Variants in NYAP2 observed in about 807,000 individuals in gnomAD.
The protein encoded by NYAP2 is neuronal tyrosine-phosphorylated phosphoinositide-3-kinase adapter 2.
Under a neutral mutation model 50.4 loss-of-function variants are expected in NYAP2, and 23 were observed. The ratio of observed to expected loss-of-function variants is 0.46; its 90% CI spans 0.33 to 0.65. NYAP2 has a LOEUF of 0.65. Among genes scored for constraint, NYAP2 ranks in the 30% least tolerant of loss-of-function variants. The probability of loss-of-function intolerance (pLI) is 0.02; values close to 1 mark genes in which losing one functional copy is unlikely to be tolerated. For synonymous variants in NYAP2, 394 were observed against 365.2 expected, an observed-to-expected ratio of 1.08 and a Z score of -0.90; for missense variants, 885 against 861.0, an observed-to-expected ratio of 1.03 and a Z score of -0.35.
At chr2:225,413,281 A>G (rs1695076255) in intron 3 of NYAP2, among the ~76,000 whole-genome samples, 1 of 152,148 alleles carries the variant, frequency 6.6e-6, no homozygotes, top group Non-Finnish European at 1.5e-5. Context: ...GAAGCTGGAG[A>G]GAGAAAAGTG....
At chr2:225,538,312 C>A (rs1405413786) in intron 4 of NYAP2, among the ~76,000 whole-genome samples, 1 of 152,192 alleles carries the variant, frequency 6.6e-6, no homozygotes, top group African/African-American at 2.4e-5. Flanking sequence ...TCCATGAGGG[C>A]CCCACCCTGC....
intron 3 of NYAP2, among the ~76,000 whole-genome samples, chr2:225,450,639 T>A (rs1208010108): frequency 6.6e-6 from 1 of 152,224 alleles, no homozygotes; most frequent in African/African-American, 2.4e-5. Context: ...GGAATCTGAT[T>A]TTTATGACCA....
At chr2:225,664,138 TA>T in the NYAP2 span, among the ~76,000 whole-genome samples, 1 of 152,144 alleles carries the variant, frequency 6.6e-6, no homozygotes, top group Admixed American at 6.5e-5. Flanking sequence ...AAAGTCAAGT[TA>T]AGTAAATTTT....
chr2:225,547,109 C>T (rs558150741), intron 4 of NYAP2, among the ~76,000 whole-genome samples: 1 of 152,160 alleles, frequency 6.6e-6, no homozygotes, highest in Non-Finnish European at 1.5e-5. Flanking sequence ...CCCTCCCACA[C>T]AAGGAAGGAA....
At chr2:225,551,076 G>A (rs957998564) in intron 4 of NYAP2, among the ~76,000 whole-genome samples, 1 of 152,114 alleles carries the variant, frequency 6.6e-6, no homozygotes, top group Non-Finnish European at 1.5e-5. Flanking sequence ...CCCATAACGG[G>A]TCTTACTTTT....
chr2:225,412,015 T>C (rs4234056), intron 3 of NYAP2, among the ~76,000 whole-genome samples: 117,797 of 148,742 alleles, frequency 0.79, 46,844 homozygotes, highest in Non-Finnish European at 0.82. Context: ...AATATTATAT[T>C]ATCATTTATA....
At chr2:225,411,416 G>C (rs146161605) in intron 3 of NYAP2, among the ~76,000 whole-genome samples, 50 of 152,164 alleles carry the variant, frequency 3.3e-4, no homozygotes, top group African/African-American at 1.2e-3. Flanking sequence ...GTAACTGATG[G>C]GGGGGCAGGA....
At chr2:225,412,255 C>CTTTTTTTTTTT (rs560637948) in intron 3 of NYAP2, among the ~76,000 whole-genome samples, 4,869 of 58,784 alleles carry the variant, frequency 0.083, 1,105 homozygotes, top group Non-Finnish European at 0.13. Flanking sequence ...CTGCGCCCGG[C>CTTTTTTTTTTT]TTTTTTTTTT....
In NYAP2 at chr2:225,520,099, G is replaced by A. The variant is rs529146422; in HGVS notation, c.523+6427G>A. On this transcript the variant is annotated intron_variant, in intron 4 of 6. Transcript: ENST00000636099. ...TGAGAAGTGTCTGTTCATGTCCTTC[G>A]CCCACTTTTTGATGGGGTTGTTTGT... Among the ~76,000 whole-genome samples the A allele has an allele frequency of 1.1e-4, 17 of 152,212 alleles. No individual in the cohort carries two copies. In the South Asian group the frequency reaches 2.3e-3, roughly 20 times the overall value.
intron 3 of NYAP2, among the ~76,000 whole-genome samples, chr2:225,433,955 G>A (rs1689324500): frequency 6.6e-6 from 1 of 151,860 alleles, no homozygotes; most frequent in Non-Finnish European, 1.5e-5. Flanking sequence ...AAATGATTTG[G>A]AATGGCATGT....
At chr2:225,614,864 G>T (rs1311174824) in intron 5 of NYAP2, among the ~76,000 whole-genome samples, 2 of 152,196 alleles carry the variant, frequency 1.3e-5, no homozygotes, top group Non-Finnish European at 2.9e-5. Context: ...GCAGTGTACT[G>T]GAATATGATT....
rs867708128 is a variant in NYAP2, at chr2:225,446,246, C to A, written c.221+37145C>A. Among the ~76,000 whole-genome samples the A allele has an allele frequency of 6.3e-3, 517 of 82,280 alleles. 7 individuals carry two copies. Among genetic ancestry groups the A allele is most frequent in the African/African-American group, 0.023 (387 of 17,040 alleles). 54.0% of individuals were successfully genotyped at this position (82,280 alleles called of 152,430 possible). The stretch of plus-strand genomic sequence containing the variant: ...TCTCTCTCTCTCTCTCTCTCTCTCT[C>A]TATATATATATATATATATATATAT... On this transcript the variant is annotated intron_variant, in intron 3 of 6. Coordinates refer to ENST00000636099, the Ensembl canonical transcript of NYAP2.
intron 3 of NYAP2, among the ~76,000 whole-genome samples, chr2:225,416,358 C>G (rs1695122013): frequency 6.6e-6 from 1 of 152,066 alleles, no homozygotes; most frequent in Non-Finnish European, 1.5e-5. Context: ...AAGGCTGATT[C>G]TAAATGAATT....
chr2:225,625,225 T>C (rs1693189426), intron 5 of NYAP2, among the ~76,000 whole-genome samples: 1 of 152,136 alleles, frequency 6.6e-6, no homozygotes, highest in Admixed American at 6.5e-5. Context: ...TATCACTTGA[T>C]TTTCCAGTTC....
At chr2:225,538,053 C>T (rs1376339107) in intron 4 of NYAP2, among the ~76,000 whole-genome samples, 2 of 152,174 alleles carry the variant, frequency 1.3e-5, no homozygotes, top group Admixed American at 6.5e-5. Context: ...AGGTGGGTTC[C>T]CATGGTCTCA....
At chr2:225,570,476 A>G (rs1692049056) in intron 4 of NYAP2, among the ~76,000 whole-genome samples, 1 of 152,220 alleles carries the variant, frequency 6.6e-6, no homozygotes, top group South Asian at 2.1e-4. Context: ...GGGAGGCCTC[A>G]GGAAACTTAC....
intron 3 of NYAP2, among the ~76,000 whole-genome samples, chr2:225,422,191 A>G (rs193139992): frequency 5.6e-4 from 85 of 152,330 alleles, no homozygotes; most frequent in African/African-American, 2.0e-3. Flanking sequence ...ACATGGTTCA[A>G]CAGATTAAAT....
exon 4 of NYAP2, chr2:225,513,521 T>A: frequency 6.2e-7 from 1 of 1,613,776 alleles, no homozygotes; most frequent in South Asian, 1.1e-5. Flanking sequence ...TGCACTCGGT[T>A]GGGGGCACAG....
intron 5 of NYAP2, among the ~76,000 whole-genome samples, chr2:225,583,300 T>A (rs1053614564): frequency 6.6e-6 from 1 of 152,206 alleles, no homozygotes; most frequent in Non-Finnish European, 1.5e-5. Context: ...GTATAAAATC[T>A]AAATTCTTGC....
Sources: allele counts gnomAD v4.1 joint callset (sites outside exome capture counted in the v4.1 genomes callset), GRCh38; gene constraint gnomAD v4.1.1; transcripts MANE v1.5; gene names NCBI Gene and HGNC (gene_info 2026-07-23, HGNC 2026-07-21).